The following GRM7 variants were observed in gnomAD, a reference collection of about 807,000 sequenced individuals.
The protein encoded by GRM7 is metabotropic glutamate receptor 7.
GRM7 carries 35 observed loss-of-function variants against 84.5 expected under a neutral mutation model. The observed-to-expected ratio is 0.41, with a 90% CI of 0.32 to 0.55. GRM7 has a LOEUF of 0.55. Ranked by LOEUF, GRM7 falls within the 20% of genes least tolerant of loss-of-function variation. The pLI, the probability that GRM7 is intolerant of heterozygous loss-of-function variation, is 0.19. For missense variants in GRM7, 1,003 were observed against 1,194.6 expected (o/e 0.84, Z 2.36); for synonymous variants, 487 against 455.1 (o/e 1.07, Z -0.89).
At chr3:7,105,541 T>C (rs1699263140) in intron 1 of GRM7, among the ~76,000 whole-genome samples, 2 of 151,956 alleles carry the variant, frequency 1.3e-5, no homozygotes, top group African/African-American at 2.4e-5. Context: ...AACAATAGCT[T>C]CACTCTTAAA....
At chr3:6,949,462 G>A (rs1172141859) in intron 1 of GRM7, among the ~76,000 whole-genome samples, 4 of 152,046 alleles carry the variant, frequency 2.6e-5, no homozygotes, top group Admixed American at 6.6e-5. Flanking sequence ...TGGGTAACCC[G>A]ACCTTTCTCT....
chr3:7,514,082 G>A (rs769784886), intron 7 of GRM7, among the ~76,000 whole-genome samples: 24 of 152,174 alleles, frequency 1.6e-4, no homozygotes, highest in Non-Finnish European at 2.8e-4. Flanking sequence ...TAGTTCTGTG[G>A]TGAGTATTGA....
At chr3:7,707,046 C>T (rs556215561) in intron 9 of GRM7, among the ~76,000 whole-genome samples, 1 of 152,126 alleles carries the variant, frequency 6.6e-6, no homozygotes, top group Non-Finnish European at 1.5e-5. Flanking sequence ...ATCAATACTG[C>T]ATTGAAATGA....
chr3:7,262,013 T>C (rs1698448550), intron 2 of GRM7, among the ~76,000 whole-genome samples: 1 of 151,582 alleles, frequency 6.6e-6, no homozygotes, highest in Admixed American at 6.6e-5. Context: ...TCTTGCTGTT[T>C]GTAGGGTTTC....
intron 1 of GRM7, among the ~76,000 whole-genome samples, chr3:6,864,501 A>G (rs1694876184): frequency 6.6e-6 from 1 of 152,190 alleles, no homozygotes; most frequent in African/African-American, 2.4e-5. Flanking sequence ...TTAGAGGGAG[A>G]GAAAAAGGAT....
chr3:7,663,275 C>T (rs1699543870), intron 8 of GRM7, among the ~76,000 whole-genome samples: 1 of 152,162 alleles, frequency 6.6e-6, no homozygotes, highest in Non-Finnish European at 1.5e-5. Flanking sequence ...GCTCAGGGAG[C>T]TCAGAAGCTG....
At chr3:7,491,994 T>A (rs1699535851) in intron 7 of GRM7, among the ~76,000 whole-genome samples, 1 of 151,918 alleles carries the variant, frequency 6.6e-6, no homozygotes, top group Non-Finnish European at 1.5e-5. Context: ...TGTGGCTTAT[T>A]GATATGGTAG....
At chr3:7,252,860 T>G (rs1698050962) in intron 2 of GRM7, among the ~76,000 whole-genome samples, 1 of 151,298 alleles carries the variant, frequency 6.6e-6, no homozygotes, top group Admixed American at 6.6e-5. Context: ...AGCTAATTTT[T>G]TTTGTATTTT....
At chr3:6,874,425 C>T (rs923639862) in intron 1 of GRM7, among the ~76,000 whole-genome samples, 1 of 152,170 alleles carries the variant, frequency 6.6e-6, no homozygotes, top group Non-Finnish European at 1.5e-5. Flanking sequence ...ACATCAATAC[C>T]ACCACTACCA....
Position 7,234,075 on chromosome 3 carries a change from A to T in GRM7, c.737-64609A>T, listed in dbSNP as rs151237388. Reference sequence around the variant, plus strand: ...TTTAATATAGCTTTAGATGAATAAAATATAAATCTTTATAATAACCAAAAA... The same window carrying T: ...TTTAATATAGCTTTAGATGAATAAATTATAAATCTTTATAATAACCAAAAA... On this transcript the variant is annotated intron_variant, in intron 2 of 9. Coordinates refer to ENST00000357716, the MANE Select transcript of GRM7 (RefSeq NM_000844.4). Among the ~76,000 whole-genome samples the T allele has an allele frequency of 9.4e-3, 1,429 of 152,256 alleles. 14 individuals carry two copies. The highest frequency in any genetic ancestry group is 0.026 in the African/African-American group (1,062 of 41,570).
At chr3:7,213,659 G>A (rs997407428) in intron 2 of GRM7, among the ~76,000 whole-genome samples, 5 of 152,160 alleles carry the variant, frequency 3.3e-5, no homozygotes, top group South Asian at 2.1e-4. Flanking sequence ...GAACTTCTAC[G>A]CAGTCACAAC....
chr3:7,719,675 G>C (rs918519382), intron 9 of GRM7, among the ~76,000 whole-genome samples: 1 of 152,056 alleles, frequency 6.6e-6, no homozygotes, highest in Admixed American at 6.6e-5. Context: ...AGCCTGGCGT[G>C]GTGGCAGGCA....
At chr3:7,097,744 G>A (rs1261810628) in intron 1 of GRM7, among the ~76,000 whole-genome samples, 1 of 152,070 alleles carries the variant, frequency 6.6e-6, no homozygotes, top group African/African-American at 2.4e-5. Context: ...AGAACTTCCA[G>A]ATTGGCAAAT....
chr3:7,712,566 C>T (rs1009539915), intron 9 of GRM7, among the ~76,000 whole-genome samples: 1 of 152,042 alleles, frequency 6.6e-6, no homozygotes, highest in African/African-American at 2.4e-5. Flanking sequence ...AATAACAGGC[C>T]CCACCACCAC....
At chr3:7,396,462 A>G (rs904560770) in intron 4 of GRM7, among the ~76,000 whole-genome samples, 1 of 152,158 alleles carries the variant, frequency 6.6e-6, no homozygotes, top group African/African-American at 2.4e-5. Context: ...CTAAAATTCA[A>G]TAAGTTTTCA....
At chr3:7,725,920 G>C (rs1702109170) in intron 9 of GRM7, among the ~76,000 whole-genome samples, 1 of 152,112 alleles carries the variant, frequency 6.6e-6, no homozygotes, top group African/African-American at 2.4e-5. Context: ...TCCAACGTTA[G>C]GGGGAGAAGT....
chr3:7,443,487 C>G (rs892567267), intron 5 of GRM7, among the ~76,000 whole-genome samples: 1 of 151,940 alleles, frequency 6.6e-6, no homozygotes, highest in African/African-American at 2.4e-5. Flanking sequence ...ATATGTTTCT[C>G]AATTTTTTTG....
At chr3:7,089,970 G>A (rs776822628) in intron 1 of GRM7, among the ~76,000 whole-genome samples, 7 of 151,992 alleles carry the variant, frequency 4.6e-5, no homozygotes, top group Non-Finnish European at 8.8e-5. Flanking sequence ...AGCCTCTCAG[G>A]TAGCTGGGAT....
intron 1 of GRM7, among the ~76,000 whole-genome samples, chr3:7,050,726 T>A (rs762009447): frequency 3.3e-5 from 5 of 152,084 alleles, no homozygotes; most frequent in Middle Eastern, 3.4e-3. Context: ...TAGGAATGTT[T>A]CTGTATTGAA....
Sources: gnomAD v4.1 joint callset for allele counts (sites outside exome capture counted in the v4.1 genomes callset) on GRCh38, gnomAD v4.1.1 for gene constraint, MANE v1.5 for transcripts, NCBI Gene and HGNC (gene_info 2026-07-23, HGNC 2026-07-21) for gene names.